ANK2: variants seen among roughly 807,000 people sequenced by gnomAD.
ANK2 encodes the protein ankyrin-2.
In ANK2, 83 loss-of-function variants were observed where a neutral mutation model predicts 360.5. The ratio of observed to expected loss-of-function variants is 0.23; its 90% CI spans 0.19 to 0.28. The LOEUF is 0.28. Among genes scored for constraint, ANK2 ranks in the 10% least tolerant of loss-of-function variants. ANK2 has a pLI of 1.00. For synonymous variants in ANK2, 1,740 were observed against 1,759.5 expected, an observed-to-expected ratio of 0.99 and a Z score of 0.28; for missense variants, 4,201 against 4,795.7, an observed-to-expected ratio of 0.88 and a Z score of 3.66.
At chr4:112,910,321 T>C (rs2086688909) in intron 2 of ANK2, among the ~76,000 whole-genome samples, 1 of 152,166 alleles carries the variant, frequency 6.6e-6, no homozygotes, top group Admixed American at 6.5e-5. Flanking sequence ...TCTGAGTTCT[T>C]TAAATAATGG....
the ANK2 span, among the ~76,000 whole-genome samples, chr4:112,772,209 C>T: frequency 6.6e-6 from 1 of 152,112 alleles, no homozygotes; most frequent in Admixed American, 6.5e-5. Flanking sequence ...CTGGGAAGGC[C>T]TCACAATCAT....
rs145234030 is a variant in ANK2, at chr4:113,232,193, A to G, written c.417A>G (p.Gln139=). ...NGFTPLYMAA[Q]ENHIDVVKYL... The stretch of plus-strand genomic sequence containing the variant: ...TTACTCCTTTATACATGGCTGCCCA[A>G]GAGAATCACATTGATGTTGTAAAAT... Residue 139 remains glutamine, a synonymous_variant, in exon 5 of 46, where the codon CAA becomes CAG. Coordinates refer to ENST00000357077, the MANE Select transcript of ANK2 (RefSeq NM_001148.6). 19 of 1,606,640 alleles carry G rather than the reference A, an allele frequency of 1.2e-5. No individual in the cohort carries two copies. Among genetic ancestry groups the G allele is most frequent in the Non-Finnish European group, 1.6e-5 (19 of 1,173,402 alleles).
intron 26 of ANK2, among the ~76,000 whole-genome samples, chr4:113,327,541 G>A (rs983423370): frequency 1.3e-5 from 2 of 152,062 alleles, no homozygotes; most frequent in Admixed American, 6.5e-5. Context: ...TTGTACATTC[G>A]CTTATTCAAC....
At chr4:112,912,916 A>T (rs2088191268) in intron 2 of ANK2, among the ~76,000 whole-genome samples, 1 of 152,108 alleles carries the variant, frequency 6.6e-6, no homozygotes, top group South Asian at 2.1e-4. Context: ...ATCTAGGAAG[A>T]CATGATGTAA....
At chr4:112,821,499 A>ATTTTTTT (rs952095787) in intron 1 of ANK2, among the ~76,000 whole-genome samples, 6 of 144,424 alleles carry the variant, frequency 4.2e-5, no homozygotes, top group Non-Finnish European at 6.1e-5. Flanking sequence ...GACTACCCTA[A>ATTTTTTT]TTTTTTTTTT....
chr4:112,948,824 T>C (rs370425027), intron 2 of ANK2, among the ~76,000 whole-genome samples: 1 of 152,226 alleles, frequency 6.6e-6, no homozygotes, highest in African/African-American at 2.4e-5. Flanking sequence ...TCCTTGTTTT[T>C]AGATGTTTAG....
At chr4:112,964,017 A>G (rs899677959) in intron 2 of ANK2, among the ~76,000 whole-genome samples, 17 of 151,356 alleles carry the variant, frequency 1.1e-4, no homozygotes, top group African/African-American at 4.1e-4. Flanking sequence ...GTTATTTATA[A>G]TAAAACATGA....
intron 26 of ANK2, among the ~76,000 whole-genome samples, chr4:113,323,449 C>T (rs1255522295): frequency 6.6e-6 from 1 of 152,118 alleles, no homozygotes; most frequent in East Asian, 1.9e-4. Flanking sequence ...TTATGTTTTT[C>T]ATCATAATGA....
chr4:113,270,355 T>C (rs991757388), intron 14 of ANK2, among the ~76,000 whole-genome samples: 1 of 152,188 alleles, frequency 6.6e-6, no homozygotes, highest in African/African-American at 2.4e-5. Context: ...TTTTATCTTT[T>C]TGGATACCCT....
chr4:113,255,390 C>G (rs1188660415), intron 10 of ANK2, among the ~76,000 whole-genome samples: 1 of 152,168 alleles, frequency 6.6e-6, no homozygotes, highest in Non-Finnish European at 1.5e-5. Flanking sequence ...GACTGCTATG[C>G]ATGGAGTTGG....
chr4:112,946,972 A>G (rs1322133185), intron 2 of ANK2, among the ~76,000 whole-genome samples: 1 of 152,208 alleles, frequency 6.6e-6, no homozygotes, highest in African/African-American at 2.4e-5. Flanking sequence ...TACTCAACCC[A>G]TATTTTCTAG....
Position 113,255,905 on chromosome 4 carries a change from G to A in ANK2, c.1161G>A (p.Lys387=). The A allele has an allele frequency of 6.2e-7, 1 of 1,614,170 alleles. No individual in the cohort carries two copies. The highest frequency in any genetic ancestry group is 1.3e-5 in the African/African-American group (1 of 75,034). The change falls in exon 11 of 46, where the codon AAG becomes AAA. Residue 387 remains lysine, a synonymous_variant. Coordinates refer to ENST00000357077, the MANE Select transcript of ANK2 (RefSeq NM_001148.6). ...GTGTAACCAAACTCCTTTTAGACAA[G>A]AGAGCCAATCCGAACGCCAGAGCCC... is the stretch of plus-strand genomic sequence containing the variant. ...HYRVTKLLLD[K]RANPNARALN... is the part of the protein sequence containing the mutation.
At chr4:112,709,697 T>C in the ANK2 span, among the ~76,000 whole-genome samples, 1 of 152,060 alleles carries the variant, frequency 6.6e-6, no homozygotes, top group East Asian at 1.9e-4. Context: ...TGCGGTGAGC[T>C]GAGATTGAGC....
intron 4 of ANK2, among the ~76,000 whole-genome samples, chr4:113,223,566 G>C (rs1242747176): frequency 4.6e-5 from 7 of 152,046 alleles, no homozygotes; most frequent in African/African-American, 7.3e-5. Flanking sequence ...AGGTAAGATA[G>C]CATTTGAAGA....
chr4:112,809,002 G>A, the ANK2 span, among the ~76,000 whole-genome samples: 1 of 151,862 alleles, frequency 6.6e-6, no homozygotes, highest in African/African-American at 2.4e-5. Context: ...GGGATTACAG[G>A]TGTGTGCCAC....
chr4:112,752,569 G>C, the ANK2 span, among the ~76,000 whole-genome samples: 1 of 150,760 alleles, frequency 6.6e-6, no homozygotes, highest in Non-Finnish European at 1.5e-5. Flanking sequence ...CTTTTTTTGA[G>C]ACAGGGATCT....
chr4:113,147,750 T>A (rs2096888572), intron 1 of ANK2, among the ~76,000 whole-genome samples: 1 of 152,138 alleles, frequency 6.6e-6, no homozygotes, highest in Non-Finnish European at 1.5e-5. Flanking sequence ...TATGTCAGGG[T>A]TTTCCTCTGA....
chr4:112,873,028 A>G (rs931702463), intron 1 of ANK2, among the ~76,000 whole-genome samples: 55 of 152,086 alleles, frequency 3.6e-4, no homozygotes, highest in African/African-American at 1.2e-3. Flanking sequence ...GTGTTTACTT[A>G]TAATCCATTT....
At chr4:113,374,709 T>A in intron 45 of ANK2, 4 of 986,938 alleles carry the variant, frequency 4.1e-6, no homozygotes, top group Non-Finnish European at 4.9e-6. Flanking sequence ...AAAAAATTCA[T>A]CATAGTTACA....
Sources: allele counts gnomAD v4.1 joint callset (sites outside exome capture counted in the v4.1 genomes callset), GRCh38; gene constraint gnomAD v4.1.1; transcripts MANE v1.5; gene names NCBI Gene and HGNC (gene_info 2026-07-23, HGNC 2026-07-21).